The following LRRC4C variants were observed in gnomAD, a reference collection of about 807,000 sequenced individuals.
LRRC4C encodes leucine rich repeat containing 4C.
A neutral mutation model predicts 33.6 loss-of-function variants in LRRC4C; 5 were observed. The ratio of observed to expected loss-of-function variants is 0.15; its 90% confidence interval spans 0.08 to 0.31. LRRC4C has a LOEUF of 0.31. LRRC4C is among the 10% of genes least tolerant of loss of function. The pLI is 1.00. For synonymous variants in LRRC4C, 329 were observed against 302.0 expected (o/e 1.09, Z -0.93); for missense variants, 560 against 796.7 (o/e 0.70, Z 3.58).
chr11:41,362,344 A>T (rs1452856768), intron 1 of LRRC4C, among the ~76,000 whole-genome samples: 1 of 152,152 alleles, frequency 6.6e-6, no homozygotes. Context: ...AATAAAAGGA[A>T]AAAGGAAAAG....
At chr11:40,355,119 C>T (rs561733616) in intron 3 of LRRC4C, among the ~76,000 whole-genome samples, 8 of 152,198 alleles carry the variant, frequency 5.3e-5, no homozygotes, top group African/African-American at 1.2e-4. Context: ...TGTCCAGGAG[C>T]GAGGGCCTGG....
chr11:41,113,561 T>C (rs1431023033), intron 1 of LRRC4C, among the ~76,000 whole-genome samples: 1 of 152,084 alleles, frequency 6.6e-6, no homozygotes, highest in Non-Finnish European at 1.5e-5. Flanking sequence ...AAAGATGAAA[T>C]GATTAGTTGC....
At chr11:40,957,985 C>A (rs879790741) in intron 1 of LRRC4C, among the ~76,000 whole-genome samples, 2 of 151,550 alleles carry the variant, frequency 1.3e-5, no homozygotes, top group African/African-American at 4.8e-5. Context: ...GAGGTGATTA[C>A]GTCCTAAGGG....
intron 3 of LRRC4C, among the ~76,000 whole-genome samples, chr11:40,350,151 C>CA (rs1447547331): frequency 6.6e-6 from 1 of 152,006 alleles, no homozygotes; most frequent in Non-Finnish European, 1.5e-5. Flanking sequence ...GGATATTACT[C>CA]AAAAAATCTT....
At chr11:40,303,614 A>G (rs1271665692) in intron 4 of LRRC4C, among the ~76,000 whole-genome samples, 1 of 152,218 alleles carries the variant, frequency 6.6e-6, no homozygotes, top group East Asian at 1.9e-4. Flanking sequence ...ATTTAAAGCA[A>G]GAGTCTTCAA....
At position 40,593,333 on chromosome 11, in the gene LRRC4C, G is replaced by A. The variant is rs180760748; in HGVS notation, c.-270+54809C>T. 8.0e-3 allele frequency among the ~76,000 whole-genome samples: 1,221 copies of A among 152,204 alleles called. 7 individuals are homozygous for A. The highest frequency in any genetic ancestry group is 0.016 in the Admixed American group (241 of 15,280). Reference sequence around the variant, plus strand: ...ATGGGCTAATAACCTCTCATAGACAGGAAAGTAATTTTTTTCTCTGTCCCT... The same window carrying A: ...ATGGGCTAATAACCTCTCATAGACAAGAAAGTAATTTTTTTCTCTGTCCCT... On this transcript the variant is annotated intron_variant, in intron 3 of 6. Transcript: ENST00000528697.
At chr11:41,452,282 C>A (rs1056908191) in intron 1 of LRRC4C, among the ~76,000 whole-genome samples, 2 of 152,088 alleles carry the variant, frequency 1.3e-5, no homozygotes, top group African/African-American at 4.8e-5. Context: ...AAAGGACTTA[C>A]ACAAGGAATT....
intron 4 of LRRC4C, among the ~76,000 whole-genome samples, chr11:40,314,239 T>A (rs529443234): frequency 4.2e-4 from 64 of 152,056 alleles, no homozygotes; most frequent in Middle Eastern, 3.4e-3. Context: ...AATGGCTAAA[T>A]GATCCGAATA....
intron 2 of LRRC4C, among the ~76,000 whole-genome samples, chr11:40,872,172 G>C (rs1565155159): frequency 6.6e-6 from 1 of 152,080 alleles, no homozygotes; most frequent in Admixed American, 6.6e-5. Context: ...TCTTATGAAA[G>C]GGACACTGTA....
At chr11:40,580,133 C>T (rs1264678836) in intron 3 of LRRC4C, among the ~76,000 whole-genome samples, 4 of 151,136 alleles carry the variant, frequency 2.6e-5, no homozygotes, top group Non-Finnish European at 2.9e-5. Flanking sequence ...CTGTATTAGT[C>T]GGTTTTCACA....
rs186440282 is a variant in LRRC4C, at chr11:40,958,758, A to T, written c.-495-25035T>A. Among the ~76,000 whole-genome samples the T allele has an allele frequency of 1.4e-4, 21 of 151,910 alleles. No individual in the cohort carries two copies. The East Asian group carries it at 3.9e-3, about 28-fold the overall frequency. ...TAATTCTTGAAATCTCAAATCTTGA[A>T]TTCTTGCTTTATAGAATAGTTTGCA... On this transcript the variant is annotated intron_variant, in intron 1 of 6. Transcript: ENST00000528697.
intron 1 of LRRC4C, among the ~76,000 whole-genome samples, chr11:41,107,859 A>G (rs1941599080): frequency 6.6e-6 from 1 of 151,876 alleles, no homozygotes; most frequent in Admixed American, 6.6e-5. Context: ...ATCACTTGAA[A>G]ATGGGAGGCG....
At chr11:40,915,875 A>T (rs1401792254) in intron 2 of LRRC4C, among the ~76,000 whole-genome samples, 1 of 152,118 alleles carries the variant, frequency 6.6e-6, no homozygotes, top group Admixed American at 6.5e-5. Context: ...CCCCATCAAA[A>T]AGTGGGTGAA....
chr11:40,239,978 G>A (rs541653158), intron 5 of LRRC4C, among the ~76,000 whole-genome samples: 35 of 152,208 alleles, frequency 2.3e-4, no homozygotes, highest in African/African-American at 7.9e-4. Context: ...ATCTCAGAAC[G>A]CACCCCCAGA....
chr11:40,492,804 T>C (rs148850209), intron 3 of LRRC4C, among the ~76,000 whole-genome samples: 36 of 152,258 alleles, frequency 2.4e-4, no homozygotes, highest in African/African-American at 8.7e-4. Context: ...TCTCTATATA[T>C]ACAGATATCT....
chr11:40,799,149 T>C (rs572361436), intron 2 of LRRC4C, among the ~76,000 whole-genome samples: 1 of 152,322 alleles, frequency 6.6e-6, no homozygotes. Flanking sequence ...TTTTACTTCA[T>C]AGATGACTAG....
intron 1 of LRRC4C, among the ~76,000 whole-genome samples, chr11:41,118,347 T>G (rs887747774): frequency 3.1e-4 from 47 of 152,150 alleles, no homozygotes; most frequent in African/African-American, 1.1e-3. Context: ...TCCAACATAC[T>G]GCAGATTGAA....
intron 3 of LRRC4C, among the ~76,000 whole-genome samples, chr11:40,495,274 A>C (rs995913335): frequency 6.6e-6 from 1 of 152,188 alleles, no homozygotes; most frequent in Non-Finnish European, 1.5e-5. Context: ...AAGGCAAAAC[A>C]AACGAACAAC....
At chr11:40,142,265 G>A (rs1300373124) in intron 5 of LRRC4C, among the ~76,000 whole-genome samples, 2 of 100,608 alleles carry the variant, frequency 2.0e-5, no homozygotes, top group Admixed American at 3.1e-4. Flanking sequence ...GTGACACAGT[G>A]AGATTCTGTC....
Sources: allele counts gnomAD v4.1 joint callset (sites outside exome capture counted in the v4.1 genomes callset), GRCh38; gene constraint gnomAD v4.1.1; transcripts MANE v1.5; gene names NCBI Gene and HGNC (gene_info 2026-07-23, HGNC 2026-07-21).